Variants in ZNF280D observed in about 807,000 individuals in gnomAD.
The protein encoded by ZNF280D is zinc finger protein 280D.
ZNF280D carries 39 observed loss-of-function variants against 94.7 expected under a neutral mutation model. The observed-to-expected ratio is 0.41, with a 90% confidence interval of 0.32 to 0.54. The LOEUF (loss-of-function observed/expected upper bound fraction) is 0.54, where lower values mean the gene tolerates loss of function less well. Among genes scored for constraint, ZNF280D ranks in the 20% least tolerant of loss-of-function variants. The probability of loss-of-function intolerance (pLI) is 0.22; values close to 1 mark genes in which losing one functional copy is unlikely to be tolerated. For synonymous variants in ZNF280D, 398 were observed against 377.6 expected, an observed-to-expected ratio of 1.05 and a Z score of -0.63; for missense variants, 1,090 against 1,149.3, an observed-to-expected ratio of 0.95 and a Z score of 0.75.
intron 19 of ZNF280D, among the ~76,000 whole-genome samples, chr15:56,648,762 G>A (rs1425195647): frequency 1.3e-5 from 2 of 152,176 alleles, no homozygotes; most frequent in African/African-American, 2.4e-5. Context: ...CTCAGTAAAT[G>A]TTAGTTATTA....
At chr15:56,731,181 C>T (rs922616862) in intron 1 of ZNF280D, among the ~76,000 whole-genome samples, 19 of 152,132 alleles carry the variant, frequency 1.2e-4, no homozygotes, top group African/African-American at 4.6e-4. Flanking sequence ...ATGGGTTATT[C>T]TGAAAGACTA....
intron 6 of ZNF280D, among the ~76,000 whole-genome samples, chr15:56,694,185 A>T (rs946235861): frequency 7.2e-5 from 11 of 152,098 alleles, no homozygotes; most frequent in African/African-American, 2.7e-4. Flanking sequence ...AAGCAGTATA[A>T]AGTTATATAT....
chr15:56,675,932 G>C (rs1158488093), intron 13 of ZNF280D, among the ~76,000 whole-genome samples: 1 of 152,016 alleles, frequency 6.6e-6, no homozygotes, highest in Non-Finnish European at 1.5e-5. Flanking sequence ...CGCAAGAACA[G>C]GATTAGTATT....
At chr15:56,722,449 T>A (rs2058416036) in intron 1 of ZNF280D, among the ~76,000 whole-genome samples, 1 of 152,114 alleles carries the variant, frequency 6.6e-6, no homozygotes, top group Non-Finnish European at 1.5e-5. Flanking sequence ...ACTGACCATA[T>A]CTTCCCCTGA....
Position 56,632,042 on chromosome 15 carries a change from C to T in ZNF280D, c.2396G>A (p.Ser799Asn). The T allele has an allele frequency of 6.2e-7, 1 of 1,612,932 alleles. No homozygotes were observed. The highest frequency in any genetic ancestry group is 8.5e-7 in the Non-Finnish European group (1 of 1,179,548). Reference protein sequence around the residue: ...NSFEGSSTTKSEESITVSDKE... With the variant: ...NSFEGSSTTKNEESITVSDKE... The stretch of plus-strand genomic sequence containing the variant: ...ATCTGAAACTGTTATGCTTTCTTCA[C>T]TTTTTGTTGTTGATGAGCCTTCAAA... The change falls in exon 22 of 22, where the codon AGT (serine) becomes AAT (asparagine). Residue 799 changes from serine (S) to asparagine (N), a missense_variant. Around this residue, in one of 3 missense-constraint regions of ZNF280D, gnomAD observed 577 missense variants for 568.8 expected, o/e 1.01. Coordinates refer to ENST00000267807, the MANE Select transcript of ZNF280D (RefSeq NM_017661.4).
chr15:56,663,585 T>A (rs1596398153), intron 16 of ZNF280D, among the ~76,000 whole-genome samples: 1 of 152,130 alleles, frequency 6.6e-6, no homozygotes, highest in African/African-American at 2.4e-5. Flanking sequence ...CCACTGAGGT[T>A]GAGAAAAAGA....
chr15:56,701,096 TA>T (rs1454706075), intron 5 of ZNF280D, 24 bp from the exon 6 acceptor site: 1 of 1,612,890 alleles, frequency 6.2e-7, no homozygotes, highest in African/African-American at 1.3e-5. Context: ...TAACACAATA[TA>T]TGGAAATTAT....
intron 21 of ZNF280D, 56 bp downstream of exon 21, chr15:56,635,139 C>T: frequency 9.2e-7 from 1 of 1,090,438 alleles, no homozygotes; most frequent in Non-Finnish European, 1.3e-6. Context: ...TAATGCAGCT[C>T]AAGTGTTATT....
At chr15:56,641,128 T>C (rs781117732) in intron 20 of ZNF280D, among the ~76,000 whole-genome samples, 2 of 152,100 alleles carry the variant, frequency 1.3e-5, no homozygotes, top group Non-Finnish European at 2.9e-5. Context: ...CAGTGACTCA[T>C]GCATTTCTCA....
chr15:56,682,556 T>C (rs548702695), intron 9 of ZNF280D, 79 bp from the exon 10 acceptor site: 1 of 915,604 alleles, frequency 1.1e-6, no homozygotes, highest in African/African-American at 1.7e-5. Flanking sequence ...TGATTGTGTG[T>C]TTACACCTAA....
intron 6 of ZNF280D, among the ~76,000 whole-genome samples, chr15:56,697,195 T>G (rs2056803705): frequency 6.6e-6 from 1 of 152,138 alleles, no homozygotes; most frequent in Non-Finnish European, 1.5e-5. Context: ...TATTACTTTT[T>G]TTTTTTTGAG....
At chr15:56,695,219 C>T (rs1300442492) in intron 6 of ZNF280D, among the ~76,000 whole-genome samples, 1 of 151,944 alleles carries the variant, frequency 6.6e-6, no homozygotes, top group Non-Finnish European at 1.5e-5. Flanking sequence ...ACTACAGGCT[C>T]ATGCCACCAC....
intron 1 of ZNF280D, among the ~76,000 whole-genome samples, chr15:56,728,648 A>G (rs2058741887): frequency 6.6e-6 from 1 of 152,190 alleles, no homozygotes; most frequent in East Asian, 1.9e-4. Flanking sequence ...TTTATAAGAC[A>G]AATAGTTCCA....
chr15:56,658,368 A>G, intron 17 of ZNF280D, 56 bp downstream of exon 17: 1 of 1,364,828 alleles, frequency 7.3e-7, no homozygotes, highest in Non-Finnish European at 1.0e-6. Context: ...TGTTAAAAAA[A>G]ATTTAAGTCA....
At chr15:56,697,664 T>C (rs2141152164) in intron 6 of ZNF280D, 1 of 152,342 alleles carries the variant, frequency 6.6e-6, no homozygotes, top group South Asian at 2.1e-4. Flanking sequence ...AATCATCTTA[T>C]GCACTTAAAA....
intron 12 of ZNF280D, 63 bp from the exon 13 acceptor site, chr15:56,676,879 G>C: frequency 1.6e-6 from 2 of 1,218,772 alleles, no homozygotes; most frequent in South Asian, 1.4e-5. Flanking sequence ...AATTACAAAG[G>C]AACAATGATG....
chr15:56,669,683 C>A (rs1369141178), intron 13 of ZNF280D, among the ~76,000 whole-genome samples: 2 of 145,322 alleles, frequency 1.4e-5, no homozygotes, highest in African/African-American at 5.1e-5. Flanking sequence ...TACTGAGAAC[C>A]CCTTGACTGA....
At chr15:56,642,221 C>T (rs1367106091) in intron 20 of ZNF280D, among the ~76,000 whole-genome samples, 1 of 151,726 alleles carries the variant, frequency 6.6e-6, no homozygotes, top group Non-Finnish European at 1.5e-5. Context: ...AGTTGAAAAA[C>T]TTTTAAACAA....
chr15:56,662,587 G>A (rs1393967531), intron 16 of ZNF280D, among the ~76,000 whole-genome samples: 1 of 152,120 alleles, frequency 6.6e-6, no homozygotes, highest in African/African-American at 2.4e-5. Context: ...CACTTTGGGA[G>A]GCCAAGGCGG....
Sources: gnomAD v4.1 joint callset for allele counts (sites outside exome capture counted in the v4.1 genomes callset) on GRCh38, gnomAD v4.1.1 for gene constraint, gnomAD v4.1.1 regional missense constraint, MANE v1.5 for transcripts, NCBI Gene and HGNC (gene_info 2026-07-23, HGNC 2026-07-21) for gene names.